RBM39: variants seen among roughly 807,000 people sequenced by gnomAD.
RBM39 encodes RNA binding motif protein 39.
RBM39 carries 12 observed loss-of-function variants against 79.6 expected under a neutral mutation model. That is an observed-to-expected ratio of 0.15 (90% CI 0.10 to 0.24). The LOEUF (loss-of-function observed/expected upper bound fraction) is 0.24, where lower values mean the gene tolerates loss of function less well. Ranked by LOEUF, RBM39 falls within the 10% of genes least tolerant of loss-of-function variation. The pLI is 1.00. For synonymous variants in RBM39, 185 were observed against 208.4 expected (o/e 0.89, Z 0.97); for missense variants, 243 against 653.4 (o/e 0.37, Z 6.85).
At chr20:35,720,574 A>C (rs181452001) in intron 9 of RBM39, among the ~76,000 whole-genome samples, 31 of 151,840 alleles carry the variant, frequency 2.0e-4, no homozygotes, top group Non-Finnish European at 3.5e-4. Context: ...GTATGAGACC[A>C]ACTTGGCCAA....
At chr20:35,710,308 C>T (rs2036246550) in intron 12 of RBM39, 1 of 152,072 alleles carries the variant, frequency 6.6e-6, no homozygotes, top group Non-Finnish European at 1.5e-5. Flanking sequence ...TCAAAATTGG[C>T]ATCTCAGGGA....
intron 13 of RBM39, chr20:35,707,825 CACT>C: frequency 2.3e-6 from 1 of 438,246 alleles, no homozygotes; most frequent in Non-Finnish European, 4.7e-6. Context: ...GTGTAATATC[CACT>C]ACTACCAAAA....
intron 3 of RBM39, chr20:35,736,626 C>T (rs1455961120): frequency 1.1e-5 from 5 of 467,100 alleles, no homozygotes; most frequent in Non-Finnish European, 2.2e-5. Context: ...TCTCGTTTTT[C>T]ATTAACATAA....
chr20:35,734,810 A>G (rs1397075908), intron 3 of RBM39: 11 of 1,389,306 alleles, frequency 7.9e-6, no homozygotes, highest in Admixed American at 3.5e-5. Context: ...AGAAACCAGT[A>G]TATTTCCAGC....
intron 3 of RBM39, chr20:35,735,047 A>G (rs749388388): frequency 6.3e-7 from 1 of 1,576,956 alleles, no homozygotes; most frequent in East Asian, 2.2e-5. Flanking sequence ...GACCTCTTCC[A>G]TGTAAGAAGA....
In RBM39 at chr20:35,714,292, G is replaced by A. The variant is rs1208246223; in HGVS notation, c.989C>T (p.Thr330Ile). ...PMKVGHVTER[T>I]DASSASSFLD... Reference sequence around the variant, plus strand: ...AAATGAACTAGCACTCGAAGCATCAGTACGTTCAGTAACATGACCAACTTT... The same window carrying A: ...AAATGAACTAGCACTCGAAGCATCAATACGTTCAGTAACATGACCAACTTT... The change falls in exon 11 of 17, where the codon ACT becomes ATT. Residue 330 changes from threonine to isoleucine, a missense_variant. Physicochemically the swap from Thr to Ile is moderately conservative, Grantham distance 89. Around this residue, in one of 4 missense-constraint regions of RBM39, gnomAD observed 61 missense variants for 322.9 expected, o/e 0.19. Coordinates refer to ENST00000253363, the MANE Select transcript of RBM39 (RefSeq NM_184234.3). 6.2e-7 allele frequency: 1 copy of A among 1,614,096 alleles called. No homozygotes were observed. The highest frequency in any genetic ancestry group is 1.6e-4 in the Middle Eastern group (1 of 6,062).
rs547748739 is a variant in RBM39 at position 35,703,506 on chromosome 20, G to T, written c.*975C>A. On this transcript the variant is annotated 3_prime_UTR_variant, in exon 17 of 17. Coordinates refer to ENST00000253363, the MANE Select transcript of RBM39 (RefSeq NM_184234.3). ...GTGAGGGCAAGTTTCCGCAGACTCG[G>T]AACATTTTCCCAAGAGGCAAGTACT... is the stretch of plus-strand genomic sequence containing the variant. 2.6e-5 allele frequency: 4 copies of T among 152,282 alleles called. No individual in the cohort carries two copies. Among genetic ancestry groups the T allele is most frequent in the Admixed American group, 6.5e-5 (1 of 15,280 alleles). The allele number at this position is 152,282 out of a possible 1,614,324, so 9.4% of individuals were successfully genotyped here.
At chr20:35,724,085 A>G (rs1437082369) in intron 8 of RBM39, among the ~76,000 whole-genome samples, 2 of 152,082 alleles carry the variant, frequency 1.3e-5, no homozygotes, top group East Asian at 3.9e-4. Flanking sequence ...TAATCTCAGC[A>G]CTTTGGAAGG....
At chr20:35,724,214 C>A (rs558804638) in intron 8 of RBM39, among the ~76,000 whole-genome samples, 5 of 151,976 alleles carry the variant, frequency 3.3e-5, no homozygotes, top group Admixed American at 2.0e-4. Flanking sequence ...CTCCTGTAAT[C>A]CCAGCTACTC....
rs1226248726 is a variant in RBM39, at chr20:35,724,782, CAA to C, written c.535-62_535-61del. 5.1e-6 allele frequency: 8 copies of C among 1,557,714 alleles called. No individual in the cohort carries two copies. The South Asian group carries it at 9.2e-5, about 18-fold the overall frequency. On this transcript the variant is annotated intron_variant, in intron 7 of 16. Coordinates refer to ENST00000253363, the MANE Select transcript of RBM39 (RefSeq NM_184234.3). ...CATTGTAACACATGTAGAATTATTTCAAGAGACACTGTTGAAGGATGAAGGTA... is the reference window on the plus strand; with the variant it reads ...CATTGTAACACATGTAGAATTATTTCGAGACACTGTTGAAGGATGAAGGTA...
At chr20:35,713,897 T>A (rs931080001) in intron 11 of RBM39, 23 of 274,020 alleles carry the variant, frequency 8.4e-5, no homozygotes, top group African/African-American at 5.2e-4. Context: ...GAAAAACTTG[T>A]AACATTATAA....
intron 3 of RBM39, chr20:35,735,016 T>C: frequency 6.2e-7 from 1 of 1,608,904 alleles, no homozygotes; most frequent in Non-Finnish European, 8.5e-7. Context: ...GCAGTAAAGG[T>C]GTTTTGCTAT....
chr20:35,738,243 G>C (rs1307364222), intron 3 of RBM39, among the ~76,000 whole-genome samples: 1 of 151,964 alleles, frequency 6.6e-6, no homozygotes, highest in East Asian at 1.9e-4. Context: ...GCTCCAGCCT[G>C]GGCTACAGAG....
intron 4 of RBM39, 85 bp downstream of exon 4, chr20:35,731,856 C>A (rs2039403631): frequency 2.4e-6 from 3 of 1,240,582 alleles, no homozygotes; most frequent in African/African-American, 3.0e-5. Context: ...AATAAAAATT[C>A]ACAATTCAAA....
intron 4 of RBM39, among the ~76,000 whole-genome samples, chr20:35,730,173 T>A (rs563467060): frequency 2.0e-5 from 3 of 152,344 alleles, no homozygotes; most frequent in Admixed American, 6.5e-5. Context: ...GAAGGTAATT[T>A]ACCAATTCTC....
intron 12 of RBM39, chr20:35,710,482 C>A (rs2146508653): frequency 6.6e-6 from 1 of 152,134 alleles, no homozygotes; most frequent in East Asian, 1.9e-4. Context: ...CCAACCCAAT[C>A]ATAATTTCAA....
Position 35,722,757 on chromosome 20 carries a change from C to A in RBM39, c.688-880G>T, listed in dbSNP as rs554108108. 2.6e-5 allele frequency among the ~76,000 whole-genome samples: 4 copies of A among 151,678 alleles called. No individual in the cohort carries two copies. The East Asian group carries it at 7.8e-4, about 30-fold the overall frequency. On this transcript the variant is annotated intron_variant, in intron 8 of 16. Transcript: ENST00000253363. The stretch of plus-strand genomic sequence containing the variant: ...GACCATCCTGGTTAACACAGTGAAA[C>A]CCCGTCTCTACTAAAAATACAAAAA...
intron 2 of RBM39, 135 bp downstream of exon 2, chr20:35,740,689 T>C: frequency 7.6e-7 from 1 of 1,309,028 alleles, no homozygotes; most frequent in Non-Finnish European, 1.1e-6. Context: ...TTTACTTTTG[T>C]AAGTTACACG....
intron 3 of RBM39, among the ~76,000 whole-genome samples, chr20:35,735,741 T>C (rs1371529736): frequency 6.6e-6 from 1 of 152,220 alleles, no homozygotes; most frequent in East Asian, 1.9e-4. Context: ...AATCATTTAT[T>C]TATCACCTAT....
Sources: gnomAD v4.1 joint callset for allele counts (sites outside exome capture counted in the v4.1 genomes callset) on GRCh38, gnomAD v4.1.1 for gene constraint, gnomAD v4.1.1 regional missense constraint, MANE v1.5 for transcripts, NCBI Gene and HGNC (gene_info 2026-07-23, HGNC 2026-07-21) for gene names.